The following SLC35F4 variants were observed in gnomAD, a reference collection of about 807,000 sequenced individuals.
SLC35F4 encodes solute carrier family 35 member F4, also known as chromosome 14 open reading frame 36.
SLC35F4 carries 24 observed loss-of-function variants against 44.2 expected under a neutral mutation model. That is an observed-to-expected ratio of 0.54 (90% CI 0.39 to 0.76). The LOEUF is 0.76. SLC35F4 is among the 30% of genes least tolerant of loss of function. The pLI is 0.00. For synonymous variants in SLC35F4, 238 were observed against 223.6 expected (o/e 1.06, Z -0.57); for missense variants, 562 against 586.1 (o/e 0.96, Z 0.42).
At chr14:57,879,092 G>A (rs751725688) in intron 1 of SLC35F4, among the ~76,000 whole-genome samples, 15 of 152,020 alleles carry the variant, frequency 9.9e-5, no homozygotes, top group Admixed American at 2.6e-4. Context: ...GGGTAATTGC[G>A]GCCCCAATAT....
At chr14:57,791,521 C>T (rs2140806137) in intron 1 of SLC35F4, among the ~76,000 whole-genome samples, 1 of 152,318 alleles carries the variant, frequency 6.6e-6, no homozygotes, top group East Asian at 1.9e-4. Flanking sequence ...AATGCTTATA[C>T]ACTGTTGGCA....
intron 1 of SLC35F4, among the ~76,000 whole-genome samples, chr14:57,908,163 G>T (rs892308313): frequency 1.3e-5 from 2 of 152,176 alleles, no homozygotes; most frequent in African/African-American, 4.8e-5. Flanking sequence ...TGGTTTATAA[G>T]TACCACATTT....
chr14:57,588,784 T>G (rs971000956), intron 3 of SLC35F4, among the ~76,000 whole-genome samples: 1 of 152,206 alleles, frequency 6.6e-6, no homozygotes, highest in Non-Finnish European at 1.5e-5. Flanking sequence ...GTAACAATCT[T>G]ATTAATACCA....
At chr14:57,946,811 C>T (rs1173521382) in intron 1 of SLC35F4, among the ~76,000 whole-genome samples, 1 of 152,052 alleles carries the variant, frequency 6.6e-6, no homozygotes, top group Non-Finnish European at 1.5e-5. Context: ...TGTTCAATCC[C>T]ATTTGTCTAT....
intron 1 of SLC35F4, among the ~76,000 whole-genome samples, chr14:57,842,672 C>A (rs1885599881): frequency 6.6e-6 from 1 of 152,148 alleles, no homozygotes; most frequent in South Asian, 2.1e-4. Flanking sequence ...ACTCTCACAG[C>A]CGGCTACTAC....
intron 1 of SLC35F4, among the ~76,000 whole-genome samples, chr14:57,946,547 T>C (rs1225652357): frequency 7.3e-6 from 1 of 137,928 alleles, no homozygotes; most frequent in Admixed American, 7.7e-5. Flanking sequence ...CGATCTCCAC[T>C]CACTGCAACC....
intron 1 of SLC35F4, among the ~76,000 whole-genome samples, chr14:57,707,374 T>TA (rs2075703432): frequency 1.3e-5 from 2 of 152,150 alleles, no homozygotes; most frequent in South Asian, 4.1e-4. Context: ...ATGCTGTTTT[T>TA]ATGATAGTGA....
rs1345073659 is a variant in SLC35F4, at chr14:57,785,113, G to A, written c.103+80610C>T. ...AGTCAAAAGTCATAGATTTTTGACT[G>A]CACAGGGAGTTTGTGCCTCTAACCC... On this transcript the variant is annotated intron_variant, in intron 1 of 7. Coordinates refer to ENST00000556826, the MANE Select transcript of SLC35F4 (RefSeq NM_001306087.2). 2.6e-5 allele frequency among the ~76,000 whole-genome samples: 4 copies of A among 152,326 alleles called. No homozygotes were observed. The East Asian group carries it at 5.8e-4, about 22-fold the overall frequency.
At position 57,714,539 on chromosome 14, in the gene SLC35F4, C is replaced by T. The variant is rs779407405; in HGVS notation, c.104-120415G>A. Among the ~76,000 whole-genome samples, 93 of 152,212 alleles carry T rather than the reference C, an allele frequency of 6.1e-4. 1 individual carries two copies. Among genetic ancestry groups the T allele is most frequent in the East Asian group, 2.7e-3 (14 of 5,180 alleles). ...TTTAATTAAACAAGGATATAAATTG[C>T]CCTGAAGTGTTTGTTTTTCTTGCTC... On this transcript the variant is annotated intron_variant, in intron 1 of 7. Coordinates refer to ENST00000556826, the MANE Select transcript of SLC35F4 (RefSeq NM_001306087.2).
chr14:57,635,553 T>C (rs1053443093), intron 1 of SLC35F4, among the ~76,000 whole-genome samples: 2 of 152,130 alleles, frequency 1.3e-5, no homozygotes, highest in South Asian at 2.1e-4. Context: ...TTGAGTGAGA[T>C]CAGCTAACAC....
chr14:57,715,547 C>T (rs1018948323), intron 1 of SLC35F4, among the ~76,000 whole-genome samples: 3 of 152,078 alleles, frequency 2.0e-5, no homozygotes, highest in African/African-American at 4.8e-5. Flanking sequence ...AGGGAGGGGT[C>T]CTTGACAATG....
intron 1 of SLC35F4, among the ~76,000 whole-genome samples, chr14:57,771,266 T>C (rs1033607683): frequency 5.3e-5 from 8 of 152,210 alleles, no homozygotes; most frequent in African/African-American, 1.9e-4. Context: ...CCATTTGTGT[T>C]CCTACATCAT....
intron 1 of SLC35F4, among the ~76,000 whole-genome samples, chr14:57,646,466 G>A (rs907940478): frequency 6.6e-6 from 1 of 152,114 alleles, no homozygotes; most frequent in South Asian, 2.1e-4. Flanking sequence ...GATCGGTGGT[G>A]ATATCCCCTT....
intron 1 of SLC35F4, among the ~76,000 whole-genome samples, chr14:57,648,719 T>C (rs2073651858): frequency 6.6e-6 from 1 of 152,216 alleles, no homozygotes; most frequent in Non-Finnish European, 1.5e-5. Context: ...TATTTGTTTC[T>C]TTCTGAAAAA....
chr14:57,601,834 C>A (rs2070843104), intron 1 of SLC35F4, among the ~76,000 whole-genome samples: 1 of 152,138 alleles, frequency 6.6e-6, no homozygotes. Context: ...TATATTATCT[C>A]CAGACCTCAC....
intron 1 of SLC35F4, among the ~76,000 whole-genome samples, chr14:57,966,142 C>T (rs369286075): frequency 6.6e-5 from 10 of 152,182 alleles, no homozygotes; most frequent in African/African-American, 2.4e-4. Context: ...TAAAGCTTGA[C>T]GACCTCTAAT....
Position 57,944,751 on chromosome 14 carries a change from G to GAAAGAAAGAA in SLC35F4, n.282+37161_282+37162insTTCTTTCTTT, listed in dbSNP as rs869201293. On this transcript the variant is annotated intron_variant and non_coding_transcript_variant, in intron 1 of 1. Transcript: ENST00000556568. ...AGAAAGAAAGAAAGAAAGAAAGAAA[G>GAAAGAAAGAA]AAGAAAGGAAGAAAGAAAAGAAAAG... Among the ~76,000 whole-genome samples the GAAAGAAAGAA allele has an allele frequency of 2.8e-4, 35 of 125,750 alleles. 1 individual carries two copies. The highest frequency in any genetic ancestry group is 4.8e-4 in the Non-Finnish European group (27 of 56,668). 82.5% of individuals were successfully genotyped at this position (125,750 alleles called of 152,430 possible). A position where few individuals can be genotyped will look rare whatever the true frequency, so the allele number is the denominator to read the frequency against.
At chr14:57,927,461 G>T (rs527407920) in intron 1 of SLC35F4, among the ~76,000 whole-genome samples, 9 of 146,244 alleles carry the variant, frequency 6.2e-5, no homozygotes, top group African/African-American at 2.4e-4. Flanking sequence ...TGACTAGGTG[G>T]TTTGAGTTTT....
chr14:57,902,014 G>T (rs1467013213), intron 1 of SLC35F4, among the ~76,000 whole-genome samples: 6 of 152,158 alleles, frequency 3.9e-5, no homozygotes, highest in Admixed American at 3.3e-4. Flanking sequence ...TTCCCTGGAA[G>T]CAAATTTGCC....
Sources: allele counts gnomAD v4.1 joint callset (sites outside exome capture counted in the v4.1 genomes callset), GRCh38; gene constraint gnomAD v4.1.1; transcripts MANE v1.5; gene names NCBI Gene and HGNC (gene_info 2026-07-23, HGNC 2026-07-21).